Variants in THEMIS observed in about 807,000 individuals in gnomAD.
The protein encoded by THEMIS is protein THEMIS.
Under a neutral mutation model 52.6 loss-of-function variants are expected in THEMIS, and 37 were observed. That is an observed-to-expected ratio of 0.70 (90% CI 0.54 to 0.93). The LOEUF is 0.93. Among genes scored for constraint, THEMIS ranks in the 40% least tolerant of loss-of-function variants. THEMIS has a pLI of 0.00. For synonymous variants in THEMIS, 292 were observed against 272.7 expected (o/e 1.07, Z -0.70); for missense variants, 808 against 763.1 (o/e 1.06, Z -0.69).
At chr6:127,799,283 G>T (rs1777441527) in intron 4 of THEMIS, among the ~76,000 whole-genome samples, 1 of 152,090 alleles carries the variant, frequency 6.6e-6, no homozygotes, top group Non-Finnish European at 1.5e-5. Flanking sequence ...AAAACAAAAA[G>T]ACTAGTTAAG....
chr6:127,741,850 T>G (rs1775213748), intron 4 of THEMIS, among the ~76,000 whole-genome samples: 1 of 152,182 alleles, frequency 6.6e-6, no homozygotes, highest in Non-Finnish European at 1.5e-5. Flanking sequence ...CCCAAGCAAC[T>G]GGCAGTAGCG....
intron 2 of THEMIS, among the ~76,000 whole-genome samples, chr6:127,848,696 C>T (rs562456096): frequency 9.9e-4 from 150 of 152,180 alleles, no homozygotes; most frequent in Non-Finnish European, 1.8e-3. Context: ...CATTTTTTCA[C>T]ATGTCTGTTG....
intron 1 of THEMIS, among the ~76,000 whole-genome samples, chr6:127,860,979 T>C (rs1189963502): frequency 2.0e-5 from 3 of 152,188 alleles, no homozygotes; most frequent in Admixed American, 2.0e-4. Context: ...TTTGAGGGTG[T>C]GTGTATGAAA....
intron 4 of THEMIS, among the ~76,000 whole-genome samples, chr6:127,738,664 GTC>G (rs1775090596): frequency 6.6e-6 from 1 of 152,032 alleles, no homozygotes; most frequent in African/African-American, 2.4e-5. Context: ...TTTCAAGTCT[GTC>G]TGGCTAGATG....
Position 127,819,118 on chromosome 6 carries a change from T to TAAAAAAAAAAAAAAAAAAAAAAAAAAA in THEMIS, c.710-5214_710-5188dup, listed in dbSNP as rs142123167. Among the ~76,000 whole-genome samples the TAAAAAAAAAAAAAAAAAAAAAAAAAAA allele has an allele frequency of 1.0e-4, 2 of 19,480 alleles. 1 individual carries two copies. The highest frequency in any genetic ancestry group is 4.0e-4 in the African/African-American group (2 of 5,008). The allele number at this position is 19,480 out of a possible 152,430, so 12.8% of individuals were successfully genotyped here. Reference sequence around the variant, plus strand: ...CTGGGTGAAAGAGTGAGACTCTGTCTAAAAAAAAAAAAAAAAAAAAAAAAA... The same window carrying TAAAAAAAAAAAAAAAAAAAAAAAAAAA: ...CTGGGTGAAAGAGTGAGACTCTGTCTAAAAAAAAAAAAAAAAAAAAAAAAAAAAAAAAAAAAAAAAAAAAAAAAAAAA... On this transcript the variant is annotated intron_variant, in intron 3 of 5. Transcript: ENST00000368248.
At chr6:127,806,558 T>C (rs148719828) in intron 4 of THEMIS, among the ~76,000 whole-genome samples, 17 of 152,358 alleles carry the variant, frequency 1.1e-4, no homozygotes, top group Non-Finnish European at 2.4e-4. Context: ...AAAACCATGT[T>C]CTTTAGCCAT....
At chr6:127,754,627 A>G (rs892445606) in intron 4 of THEMIS, among the ~76,000 whole-genome samples, 5 of 152,208 alleles carry the variant, frequency 3.3e-5, no homozygotes, top group African/African-American at 4.8e-5. Flanking sequence ...AACTTGGATC[A>G]TGTGCTCATC....
intron 2 of THEMIS, among the ~76,000 whole-genome samples, chr6:127,830,202 A>G (rs1778654460): frequency 6.6e-6 from 1 of 152,216 alleles, no homozygotes; most frequent in Non-Finnish European, 1.5e-5. Context: ...GTTCTTGGAA[A>G]TGGGAAATCT....
chr6:127,805,039 A>G (rs2114576024), intron 4 of THEMIS, among the ~76,000 whole-genome samples: 1 of 152,230 alleles, frequency 6.6e-6, no homozygotes, highest in East Asian at 1.9e-4. Flanking sequence ...ACCTTCATAA[A>G]TAACAGTGGA....
At chr6:127,773,982 A>C (rs1776472639) in intron 4 of THEMIS, among the ~76,000 whole-genome samples, 2 of 152,162 alleles carry the variant, frequency 1.3e-5, no homozygotes, top group Admixed American at 1.3e-4. Context: ...ACTAGGCCCA[A>C]CTCCATGTGA....
chr6:127,748,657 T>G (rs1775532751), intron 4 of THEMIS, among the ~76,000 whole-genome samples: 1 of 151,994 alleles, frequency 6.6e-6, no homozygotes, highest in Non-Finnish European at 1.5e-5. Flanking sequence ...ACTCAAGATC[T>G]GATAGCCAAA....
At chr6:127,697,596 A>G in the THEMIS span, among the ~76,000 whole-genome samples, 5 of 152,170 alleles carry the variant, frequency 3.3e-5, no homozygotes, top group East Asian at 7.7e-4. Context: ...TTTTTTCCCT[A>G]GCTATTCTCC....
chr6:127,876,875 A>G (rs572755396), intron 1 of THEMIS, among the ~76,000 whole-genome samples: 1 of 152,216 alleles, frequency 6.6e-6, no homozygotes, highest in Non-Finnish European at 1.5e-5. Context: ...TACTTCAGCT[A>G]GATAATGAAA....
intron 1 of THEMIS, among the ~76,000 whole-genome samples, chr6:127,858,606 C>T (rs944820801): frequency 1.6e-4 from 25 of 152,066 alleles, no homozygotes; most frequent in African/African-American, 5.8e-4. Flanking sequence ...ATCCAACTTT[C>T]ATTATCTCAA....
At chr6:127,714,644 A>G (rs2114466358) in intron 5 of THEMIS, among the ~76,000 whole-genome samples, 1 of 152,046 alleles carries the variant, frequency 6.6e-6, no homozygotes, top group East Asian at 1.9e-4. Context: ...TAAAGATAAG[A>G]AAACAAAATC....
intron 3 of THEMIS, among the ~76,000 whole-genome samples, chr6:127,827,389 G>GAA (rs1356645406): frequency 1.1e-4 from 16 of 152,040 alleles, no homozygotes; most frequent in African/African-American, 2.9e-4. Context: ...TATACAATAA[G>GAA]AACTATGTTT....
chr6:127,702,305 T>C, the THEMIS span, among the ~76,000 whole-genome samples: 3 of 152,180 alleles, frequency 2.0e-5, no homozygotes, highest in African/African-American at 7.2e-5. Context: ...CACCATGAGT[T>C]GTAAGGAAAT....
chr6:127,811,066 C>CCAA lies in THEMIS; in HGVS notation c.1758+1814_1758+1816dup, dbSNP rs150249442. 1.8e-3 allele frequency among the ~76,000 whole-genome samples: 276 copies of CCAA among 151,970 alleles called. 4 individuals carry two copies. The highest frequency in any genetic ancestry group is 2.5e-3 in the Non-Finnish European group (169 of 67,932). ...AACAAACAAACAACAACAAAAAAAA[C>CCAA]CAACAACAACAACAACAAAAAGTTT... On this transcript the variant is annotated intron_variant, in intron 4 of 5. Coordinates refer to ENST00000368248, the MANE Select transcript of THEMIS (RefSeq NM_001010923.3).
rs117529806 is a variant in THEMIS, at chr6:127,841,317, T to C, written c.251-11383A>G. Among the ~76,000 whole-genome samples, 1,251 of 152,164 alleles carry C rather than the reference T, an allele frequency of 8.2e-3. 7 individuals carry two copies. The highest frequency in any genetic ancestry group is 0.014 in the Non-Finnish European group (979 of 67,950). On this transcript the variant is annotated intron_variant, in intron 2 of 5. Transcript: ENST00000368248. ...GTTCTCTACCAACGTTCAGTTAAGA[T>C]GCAAGAAACAGAAGATCCAATTGTT...
Sources: allele counts gnomAD v4.1 joint callset (sites outside exome capture counted in the v4.1 genomes callset), GRCh38; gene constraint gnomAD v4.1.1; transcripts MANE v1.5; gene names NCBI Gene and HGNC (gene_info 2026-07-23, HGNC 2026-07-21).